ZFHX3: variants seen among roughly 807,000 people sequenced by gnomAD.
ZFHX3 encodes zinc finger homeobox 3.
ZFHX3 carries 42 observed loss-of-function variants against 279.1 expected under a neutral mutation model. That is an observed-to-expected ratio of 0.15 (90% CI 0.12 to 0.19). The LOEUF is 0.19. ZFHX3 is among the 10% of genes least tolerant of loss of function. The probability of loss-of-function intolerance (pLI) is 1.00; values close to 1 mark genes in which losing one functional copy is unlikely to be tolerated. For missense variants in ZFHX3, 4,981 were observed against 4,754.0 expected (o/e 1.05, Z -1.40); for synonymous variants, 2,293 against 1,957.8 (o/e 1.17, Z -4.52).
chr16:73,669,005 CTT>C (rs1284858220), intron 2 of ZFHX3, among the ~76,000 whole-genome samples: 5 of 150,908 alleles, frequency 3.3e-5, no homozygotes, highest in African/African-American at 7.3e-5. Context: ...TTTGTATTTT[CTT>C]TTGTTTCTTT....
At chr16:73,608,755 T>A (rs2052216492) in intron 2 of ZFHX3, 1 of 152,198 alleles carries the variant, frequency 6.6e-6, no homozygotes, top group African/African-American at 2.4e-5. Flanking sequence ...TCAGCCTTGG[T>A]CCATAAGCAG....
At chr16:73,506,983 A>T (rs1483333772) in intron 2 of ZFHX3, among the ~76,000 whole-genome samples, 6 of 152,112 alleles carry the variant, frequency 3.9e-5, no homozygotes, top group Non-Finnish European at 7.4e-5. Context: ...GACCCTTCTC[A>T]TCTGGTCTCT....
At chr16:73,810,697 C>T (rs1960403342) in intron 1 of ZFHX3, among the ~76,000 whole-genome samples, 1 of 149,808 alleles carries the variant, frequency 6.7e-6, no homozygotes, top group South Asian at 2.1e-4. Context: ...CATTCAACAA[C>T]AAAAAAAAAT....
chr16:73,591,519 T>G (rs9929975), intron 2 of ZFHX3, among the ~76,000 whole-genome samples: 1 of 150,556 alleles, frequency 6.6e-6, no homozygotes, highest in Non-Finnish European at 1.5e-5. Flanking sequence ...CGTGAAACCT[T>G]GTCTCTACTA....
intron 8 of ZFHX3, among the ~76,000 whole-genome samples, chr16:73,079,158 C>G (rs1210221236): frequency 6.6e-6 from 1 of 152,130 alleles, no homozygotes; most frequent in Non-Finnish European, 1.5e-5. Context: ...TTCTCTTTCA[C>G]TTACTTGTCT....
At chr16:73,890,340 G>A (rs577426507) in intron 1 of ZFHX3, among the ~76,000 whole-genome samples, 168 of 152,110 alleles carry the variant, frequency 1.1e-3, no homozygotes, top group African/African-American at 3.6e-3. Flanking sequence ...AGCCAAAAGG[G>A]GTAGGGGGCA....
At chr16:73,820,687 GAT>G (rs1235059847) in intron 1 of ZFHX3, among the ~76,000 whole-genome samples, 1 of 151,954 alleles carries the variant, frequency 6.6e-6, no homozygotes, top group Non-Finnish European at 1.5e-5. Context: ...ACTCATGAGA[GAT>G]ATATAATAAT....
At chr16:73,002,667 G>A (rs932935715) in intron 1 of ZFHX3, among the ~76,000 whole-genome samples, 2 of 152,134 alleles carry the variant, frequency 1.3e-5, no homozygotes, top group Non-Finnish European at 2.9e-5. Context: ...GATGCTTACA[G>A]TAAATATCAT....
intron 3 of ZFHX3, among the ~76,000 whole-genome samples, chr16:73,434,256 C>T (rs922563913): frequency 4.6e-5 from 7 of 152,180 alleles, no homozygotes; most frequent in East Asian, 3.9e-4. Flanking sequence ...CTACACTTCT[C>T]GTGCCCCACT....
At chr16:73,434,471 G>A (rs2017963022) in intron 3 of ZFHX3, among the ~76,000 whole-genome samples, 1 of 152,176 alleles carries the variant, frequency 6.6e-6, no homozygotes, top group African/African-American at 2.4e-5. Context: ...AAAACAATCT[G>A]CATCTGCTTG....
chr16:72,793,908 G>A lies in ZFHX3; in HGVS notation c.8774C>T (p.Ser2925Phe). 6.2e-7 allele frequency: 1 copy of A among 1,614,198 alleles called. No individual in the cohort carries two copies. Among genetic ancestry groups the A allele is most frequent in the South Asian group, 1.1e-5 (1 of 91,070 alleles). Reference protein sequence around the residue: ...SETSSLADPCSPSPGASGSAG... With the variant: ...SETSSLADPCFPSPGASGSAG... ...AGATCCACTCGCACCAGGACTCGGG[G>A]AGCAGGGATCTGCAAGGCTTGAGGT... Residue 2925 changes from serine to phenylalanine, a missense_variant, in exon 9 of 10, where the codon TCC becomes TTC. Physicochemically the swap from Ser to Phe is radical, Grantham distance 155. Around this residue, in one of 7 missense-constraint regions of ZFHX3, gnomAD observed 168 missense variants for 249.1 expected, o/e 0.67. Coordinates refer to ENST00000268489, the MANE Select transcript of ZFHX3 (RefSeq NM_006885.4). This position sits in a 1 kb window ranked among gnomAD's most constrained non-coding sequence, Gnocchi z 4.3.
intron 1 of ZFHX3, among the ~76,000 whole-genome samples, chr16:73,045,534 G>C (rs1965262625): frequency 6.6e-6 from 1 of 152,140 alleles, no homozygotes; most frequent in Non-Finnish European, 1.5e-5. Flanking sequence ...CACCGTTTTA[G>C]ATGGGCCTTT....
At chr16:73,471,384 A>G (rs1436231998) in intron 2 of ZFHX3, among the ~76,000 whole-genome samples, 2 of 152,076 alleles carry the variant, frequency 1.3e-5, no homozygotes, top group African/African-American at 2.4e-5. Context: ...CATGTAACCA[A>G]TCTAGTTTGT....
chr16:73,599,115 G>A (rs2052084155), intron 2 of ZFHX3, among the ~76,000 whole-genome samples: 1 of 152,200 alleles, frequency 6.6e-6, no homozygotes. Flanking sequence ...TTCTTACAGA[G>A]GATGAGTTTG....
chr16:72,793,182 G>A lies in ZFHX3; in HGVS notation c.9427+73C>T, dbSNP rs2035771279. 1 of 1,526,392 alleles carries A rather than the reference G, an allele frequency of 6.6e-7. No individual in the cohort carries two copies. Among genetic ancestry groups the A allele is most frequent in the Admixed American group, 2.2e-5 (1 of 46,442 alleles). 94.6% of individuals were successfully genotyped at this position (1,526,392 alleles called of 1,614,324 possible). A position where few individuals can be genotyped will look rare whatever the true frequency, so the allele number is the denominator to read the frequency against. ...TCTGCCCAGCACTCAGAGGGTTTGG[G>A]TGGTATCCACATAACAGAATGCTGA... On this transcript the variant is annotated intron_variant, in intron 9 of 9. Transcript: ENST00000268489. This position sits in a 1 kb window ranked among gnomAD's most constrained non-coding sequence, Gnocchi z 4.3.
In ZFHX3 at chr16:73,590,053, C is replaced by T. The variant is rs141511622; in HGVS notation, c.-1547+90127G>A. On this transcript the variant is annotated intron_variant, in intron 2 of 17. Coordinates refer to the ZFHX3 transcript ENST00000641206. ...GTGTTGTTATGCTGAGACTTTTGTACACATATTGTAGGATAAAGAAAAGAA... is the reference window on the plus strand; with the variant it reads ...GTGTTGTTATGCTGAGACTTTTGTATACATATTGTAGGATAAAGAAAAGAA... 8.5e-4 allele frequency among the ~76,000 whole-genome samples: 129 copies of T among 152,106 alleles called. 1 individual carries two copies. Among genetic ancestry groups the T allele is most frequent in the African/African-American group, 2.9e-3 (121 of 41,500 alleles).
At chr16:73,720,228 G>A (rs1276856174) in intron 1 of ZFHX3, among the ~76,000 whole-genome samples, 2 of 152,118 alleles carry the variant, frequency 1.3e-5, no homozygotes, top group East Asian at 1.9e-4. Context: ...AGGGGTATAC[G>A]AAGGAACACC....
chr16:73,041,548 G>C (rs1277700283), intron 1 of ZFHX3, among the ~76,000 whole-genome samples: 1 of 152,022 alleles, frequency 6.6e-6, no homozygotes, highest in Non-Finnish European at 1.5e-5. Flanking sequence ...CAGTTACACA[G>C]ACTGAAAGTC....
At chr16:73,145,719 G>C (rs916022303) in intron 5 of ZFHX3, among the ~76,000 whole-genome samples, 3 of 152,242 alleles carry the variant, frequency 2.0e-5, no homozygotes, top group African/African-American at 7.2e-5. Flanking sequence ...GGAACTGAGA[G>C]CTATGAGAGG....
Sources: allele counts gnomAD v4.1 joint callset (sites outside exome capture counted in the v4.1 genomes callset), GRCh38; gene constraint gnomAD v4.1.1; regional missense constraint gnomAD v4.1.1; non-coding constraint Gnocchi (gnomAD v3.1); transcripts MANE v1.5; gene names NCBI Gene and HGNC (gene_info 2026-07-23, HGNC 2026-07-21).